Variants in DGLUCY observed in about 807,000 individuals in gnomAD.
DGLUCY encodes D-glutamate cyclase, also known as D-glutamate cyclase, mitochondrial.
A neutral mutation model predicts 58.5 loss-of-function variants in DGLUCY; 58 were observed. That is an observed-to-expected ratio of 0.99 (90% CI 0.80 to 1.23). DGLUCY has a LOEUF of 1.23. DGLUCY is among the 50% of genes most tolerant of loss of function. DGLUCY has a pLI of 0.00. For missense variants in DGLUCY, 779 were observed against 784.7 expected (o/e 0.99, Z 0.09); for synonymous variants, 325 against 314.1 (o/e 1.03, Z -0.37).
At chr14:91,100,936 T>A (rs750588871) in intron 1 of DGLUCY, among the ~76,000 whole-genome samples, 5 of 152,064 alleles carry the variant, frequency 3.3e-5, no homozygotes, top group African/African-American at 4.8e-5. Context: ...CTGGGCATGG[T>A]GGCGCACACC....
At chr14:91,079,059 A>G (rs1053968100) in intron 1 of DGLUCY, among the ~76,000 whole-genome samples, 23 of 150,286 alleles carry the variant, frequency 1.5e-4, no homozygotes, top group Non-Finnish European at 2.7e-4. Context: ...ACCCGCCACC[A>G]TGCCTGGCTC....
intron 13 of DGLUCY, 188 bp downstream of exon 13, chr14:91,215,744 G>A (rs1257493852): frequency 5.4e-6 from 8 of 1,470,718 alleles, no homozygotes; most frequent in African/African-American, 1.4e-5. Context: ...GTTCTGAATC[G>A]TGTGGCAGGC....
At chr14:91,062,585 A>C (rs1308777744) in intron 1 of DGLUCY, among the ~76,000 whole-genome samples, 1 of 24,998 alleles carries the variant, frequency 4.0e-5, no homozygotes, top group African/African-American at 1.2e-4. Context: ...ATATATATAT[A>C]TATATATATA....
intron 8 of DGLUCY, among the ~76,000 whole-genome samples, chr14:91,187,550 C>T (rs774880665): frequency 6.6e-6 from 1 of 152,228 alleles, no homozygotes; most frequent in African/African-American, 2.4e-5. Context: ...CTTCCCCACT[C>T]GTATCCTCTG....
chr14:91,095,761 G>A (rs866318040), intron 1 of DGLUCY, among the ~76,000 whole-genome samples: 1 of 152,076 alleles, frequency 6.6e-6, no homozygotes, highest in South Asian at 2.1e-4. Flanking sequence ...CTCTTCAGTG[G>A]TACTCTCCGT....
At chr14:91,217,056 G>T (rs1886641344) in intron 13 of DGLUCY, among the ~76,000 whole-genome samples, 1 of 152,198 alleles carries the variant, frequency 6.6e-6, no homozygotes, top group African/African-American at 2.4e-5. Flanking sequence ...CTCCTCTGGG[G>T]CTCCTCAAGG....
At chr14:91,134,348 C>T (rs2046203438) in intron 1 of DGLUCY, among the ~76,000 whole-genome samples, 1 of 152,084 alleles carries the variant, frequency 6.6e-6, no homozygotes, top group Non-Finnish European at 1.5e-5. Flanking sequence ...CCATATTTTC[C>T]ATAAACGATT....
chr14:91,078,706 G>GT (rs1437919240), intron 1 of DGLUCY, among the ~76,000 whole-genome samples: 1 of 152,092 alleles, frequency 6.6e-6, no homozygotes, highest in African/African-American at 2.4e-5. Flanking sequence ...TGGGGTTTTG[G>GT]TTTTTGGTCT....
chr14:91,119,662 G>A (rs2045234495), intron 1 of DGLUCY, among the ~76,000 whole-genome samples: 1 of 152,134 alleles, frequency 6.6e-6, no homozygotes, highest in Non-Finnish European at 1.5e-5. Flanking sequence ...GTGTCAACTG[G>A]ATTGGATTGA....
intron 1 of DGLUCY, among the ~76,000 whole-genome samples, chr14:91,139,161 G>T (rs1011508825): frequency 1.3e-5 from 2 of 152,114 alleles, no homozygotes; most frequent in African/African-American, 4.8e-5. Flanking sequence ...GAGTCCAAAG[G>T]CCTGAGGACC....
At chr14:91,062,938 A>G (rs2043757296) in intron 1 of DGLUCY, among the ~76,000 whole-genome samples, 1 of 152,184 alleles carries the variant, frequency 6.6e-6, no homozygotes, top group Non-Finnish European at 1.5e-5. Flanking sequence ...AATAGGTGCT[A>G]GAGACACAGT....
At chr14:91,205,604 G>A (rs948008815) in intron 12 of DGLUCY, among the ~76,000 whole-genome samples, 2 of 152,102 alleles carry the variant, frequency 1.3e-5, no homozygotes, top group African/African-American at 2.4e-5. Context: ...AAAACTCCAG[G>A]CGACCCAGTG....
At chr14:91,223,757 G>A in intron 13 of DGLUCY, 1 of 1,261,762 alleles carries the variant, frequency 7.9e-7, no homozygotes. Flanking sequence ...TTTTGTGAAT[G>A]CCTGTTGTGT....
At chr14:91,161,974 G>C (rs1200792904) in intron 3 of DGLUCY, among the ~76,000 whole-genome samples, 1 of 152,078 alleles carries the variant, frequency 6.6e-6, no homozygotes, top group Non-Finnish European at 1.5e-5. Context: ...TGCTTGCTAG[G>C]ACCCTGGGAG....
intron 1 of DGLUCY, among the ~76,000 whole-genome samples, chr14:91,067,178 A>G (rs1415843934): frequency 1.3e-5 from 2 of 152,076 alleles, no homozygotes; most frequent in African/African-American, 4.8e-5. Context: ...GAGAAAAGCT[A>G]AAGACTACTG....
At chr14:91,069,873 AG>A (rs2043887903) in intron 1 of DGLUCY, among the ~76,000 whole-genome samples, 1 of 136,596 alleles carries the variant, frequency 7.3e-6, no homozygotes, top group African/African-American at 2.8e-5. Flanking sequence ...CTCCCCCTCC[AG>A]GGTTCAAGTG....
chr14:91,173,003 G>A (rs982877769), intron 5 of DGLUCY, among the ~76,000 whole-genome samples: 23 of 152,154 alleles, frequency 1.5e-4, no homozygotes, highest in Non-Finnish European at 7.3e-5. Context: ...TTGGAATCCT[G>A]TGCATTTTCT....
rs115978783 is a variant in DGLUCY at position 91,174,873 on chromosome 14, G to T, written c.608-1061G>T. 4.9e-3 allele frequency among the ~76,000 whole-genome samples: 743 copies of T among 152,252 alleles called. 4 individuals are homozygous for T. The highest frequency in any genetic ancestry group is 0.016 in the African/African-American group (654 of 41,540). ...GAATGGAATTGGAGGGCACCCAGCT[G>T]GTGCCTCCTGCTTGATGGTGGGGAG... On this transcript the variant is annotated intron_variant, in intron 6 of 13. Transcript: ENST00000256324.
At chr14:91,110,627 C>A (rs147230607), upstream of DGLUCY, among the ~76,000 whole-genome samples, 1 of 151,896 alleles carries the variant, frequency 6.6e-6, no homozygotes, top group African/African-American at 2.4e-5. Flanking sequence ...GACAAGGGTA[C>A]TCCATGTTGG....
Sources: gnomAD v4.1 joint callset for allele counts (sites outside exome capture counted in the v4.1 genomes callset) on GRCh38, gnomAD v4.1.1 for gene constraint, MANE v1.5 for transcripts, NCBI Gene and HGNC (gene_info 2026-07-23, HGNC 2026-07-21) for gene names.